PRKG1: variants seen among roughly 807,000 people sequenced by gnomAD.
The protein encoded by PRKG1 is protein kinase cGMP-dependent 1.
PRKG1 carries 35 observed loss-of-function variants against 88.1 expected under a neutral mutation model. The ratio of observed to expected loss-of-function variants is 0.40; its 90% CI spans 0.30 to 0.53. PRKG1 has a LOEUF of 0.53. Among genes scored for constraint, PRKG1 ranks in the 20% least tolerant of loss-of-function variants. PRKG1 has a pLI of 0.59. For missense variants in PRKG1, 540 were observed against 839.8 expected, an observed-to-expected ratio of 0.64 and a Z score of 4.41; for synonymous variants, 303 against 292.5, an observed-to-expected ratio of 1.04 and a Z score of -0.37.
chr10:51,566,790 G>A (rs1837616570), intron 3 of PRKG1, among the ~76,000 whole-genome samples: 1 of 151,936 alleles, frequency 6.6e-6, no homozygotes, highest in Non-Finnish European at 1.5e-5. Context: ...GAAATGAGAA[G>A]CAGTCATTGT....
intron 3 of PRKG1, among the ~76,000 whole-genome samples, chr10:51,628,373 G>C (rs1043168156): frequency 4.6e-5 from 7 of 151,122 alleles, no homozygotes; most frequent in Non-Finnish European, 1.0e-4. Context: ...ATGTTGCCCA[G>C]GCCAATCTCA....
At chr10:51,502,954 A>G (rs1000997776) in intron 3 of PRKG1, among the ~76,000 whole-genome samples, 2 of 152,160 alleles carry the variant, frequency 1.3e-5, no homozygotes, top group Non-Finnish European at 2.9e-5. Context: ...AAATCCAATA[A>G]CTAGAAATTT....
intron 2 of PRKG1, among the ~76,000 whole-genome samples, chr10:51,166,344 C>G (rs1846540747): frequency 6.6e-6 from 1 of 152,118 alleles, no homozygotes; most frequent in Non-Finnish European, 1.5e-5. Context: ...TATGAATTTA[C>G]ATGACATTGC....
intron 4 of PRKG1, among the ~76,000 whole-genome samples, chr10:51,902,759 A>G (rs1053345516): frequency 1.3e-5 from 2 of 152,188 alleles, no homozygotes; most frequent in Admixed American, 1.3e-4. Flanking sequence ...CCCAAGAACA[A>G]ACAAGCATGC....
chr10:51,880,663 C>T (rs1841414741), intron 4 of PRKG1, among the ~76,000 whole-genome samples: 1 of 152,214 alleles, frequency 6.6e-6, no homozygotes. Flanking sequence ...ATTGTATCCA[C>T]TCATATCCTG....
chr10:52,071,154 T>G (rs12217828), intron 7 of PRKG1, among the ~76,000 whole-genome samples: 23,464 of 152,226 alleles, frequency 0.15, 2,201 homozygotes, highest in East Asian at 0.26. Flanking sequence ...TTCATATTTT[T>G]AATTTTGATT....
At chr10:52,262,120 A>T (rs1841446514) in intron 10 of PRKG1, among the ~76,000 whole-genome samples, 1 of 152,156 alleles carries the variant, frequency 6.6e-6, no homozygotes. Flanking sequence ...TTTAATTATC[A>T]GTTGTAATAG....
upstream of PRKG1, chr10:51,074,253 C>T (rs750166691): frequency 2.4e-4 from 62 of 259,476 alleles, no homozygotes; most frequent in Non-Finnish European, 3.7e-4. Flanking sequence ...ATTCACGTCC[C>T]CTCCTCCCGC....
chr10:52,177,404 T>C (rs970702486), intron 9 of PRKG1, among the ~76,000 whole-genome samples: 52 of 152,282 alleles, frequency 3.4e-4, no homozygotes, highest in African/African-American at 1.2e-3. Context: ...TTCAGTTTGC[T>C]ACACTTTTAT....
chr10:51,546,811 G>A (rs1842453411), intron 3 of PRKG1, among the ~76,000 whole-genome samples: 1 of 151,992 alleles, frequency 6.6e-6, no homozygotes. Flanking sequence ...GGCTTCATGG[G>A]CATCCCCACA....
At chr10:51,731,839 A>C (rs1180400232) in intron 3 of PRKG1, among the ~76,000 whole-genome samples, 1 of 152,146 alleles carries the variant, frequency 6.6e-6, no homozygotes, top group Non-Finnish European at 1.5e-5. Context: ...TGGAGGCTAG[A>C]AGTTTAATGT....
At chr10:51,268,708 G>C (rs1839899716) in intron 2 of PRKG1, among the ~76,000 whole-genome samples, 1 of 152,064 alleles carries the variant, frequency 6.6e-6, no homozygotes. Flanking sequence ...AATCATCACA[G>C]GGTCCTGAGG....
intron 4 of PRKG1, among the ~76,000 whole-genome samples, chr10:51,899,580 C>G (rs1841932591): frequency 1.3e-5 from 2 of 150,754 alleles, no homozygotes; most frequent in South Asian, 4.2e-4. Context: ...ATCTCTTGAA[C>G]TTGGGAGGCA....
intron 3 of PRKG1, among the ~76,000 whole-genome samples, chr10:51,748,944 T>C (rs1459336079): frequency 6.6e-6 from 1 of 152,210 alleles, no homozygotes; most frequent in Admixed American, 6.5e-5. Context: ...AATTTATTGA[T>C]ATAGGGAGAA....
At chr10:51,507,678 C>G (rs921650429) in intron 3 of PRKG1, among the ~76,000 whole-genome samples, 6 of 152,026 alleles carry the variant, frequency 3.9e-5, no homozygotes, top group Non-Finnish European at 8.8e-5. Flanking sequence ...GAGAAAAGAG[C>G]TGACTGGGCA....
Position 51,636,971 on chromosome 10 carries a change from C to T in PRKG1, c.593-167614C>T, listed in dbSNP as rs1020398287. ...AAATCTTAGCAACAAATTGGATTGG[C>T]TATAGACAGTGCCTACTTTAGCAGC... is the stretch of plus-strand genomic sequence containing the variant. On this transcript the variant is annotated intron_variant, in intron 3 of 17. Transcript: ENST00000373980. 3.9e-5 allele frequency among the ~76,000 whole-genome samples: 6 copies of T among 152,220 alleles called. No individual in the cohort carries two copies. In the South Asian group the frequency reaches 1.2e-3, roughly 32 times the overall value.
chr10:51,445,116 T>C (rs1383840042), intron 2 of PRKG1, among the ~76,000 whole-genome samples: 2 of 151,904 alleles, frequency 1.3e-5, no homozygotes, highest in African/African-American at 4.8e-5. Flanking sequence ...GCAAGTGAGA[T>C]GAATTTTTCA....
At chr10:51,834,823 C>T (rs1036288514) in intron 4 of PRKG1, among the ~76,000 whole-genome samples, 2 of 151,948 alleles carry the variant, frequency 1.3e-5, no homozygotes, top group Admixed American at 6.6e-5. Context: ...TATGGGGGTA[C>T]GTCCACACCC....
chr10:51,177,575 G>C (rs1349718923), intron 2 of PRKG1, among the ~76,000 whole-genome samples: 2 of 152,026 alleles, frequency 1.3e-5, no homozygotes, highest in South Asian at 4.1e-4. Flanking sequence ...ACCACCACTA[G>C]TGTTTGCTGA....
Sources: allele counts gnomAD v4.1 joint callset (sites outside exome capture counted in the v4.1 genomes callset), GRCh38; gene constraint gnomAD v4.1.1; transcripts MANE v1.5; gene names NCBI Gene and HGNC (gene_info 2026-07-23, HGNC 2026-07-21).